HFM1: variants seen among roughly 807,000 people sequenced by gnomAD.
HFM1 encodes helicase for meiosis 1, also known as probable ATP-dependent DNA helicase HFM1.
In HFM1, 169 loss-of-function variants were observed where a neutral mutation model predicts 192.1. The observed-to-expected ratio is 0.88, with a 90% confidence interval of 0.78 to 1.00. The LOEUF (loss-of-function observed/expected upper bound fraction) is 1.00. Among genes scored for constraint, HFM1 ranks in the 50% least tolerant of loss-of-function variants. The probability of loss-of-function intolerance (pLI) is 0.00; values close to 1 mark genes in which losing one functional copy is unlikely to be tolerated. For synonymous variants in HFM1, 525 were observed against 537.8 expected (o/e 0.98, Z 0.33); for missense variants, 1,661 against 1,668.0 (o/e 1.00, Z 0.07).
intron 1 of HFM1, among the ~76,000 whole-genome samples, chr1:91,403,726 C>A (rs1664551859): frequency 6.6e-6 from 1 of 152,040 alleles, no homozygotes; most frequent in Admixed American, 6.5e-5. Context: ...AATACTTAAG[C>A]TATTTTTGAG....
intron 23 of HFM1, among the ~76,000 whole-genome samples, chr1:91,320,939 A>G (rs1274864646): frequency 1.3e-5 from 2 of 152,158 alleles, no homozygotes; most frequent in Non-Finnish European, 2.9e-5. Flanking sequence ...AATTACGTTC[A>G]TGACCAGACC....
intron 13 of HFM1, among the ~76,000 whole-genome samples, chr1:91,362,660 C>T (rs1164602540): frequency 6.6e-6 from 1 of 152,116 alleles, no homozygotes; most frequent in Non-Finnish European, 1.5e-5. Flanking sequence ...ACTAAACTAC[C>T]ATTGACATTA....
intron 30 of HFM1, among the ~76,000 whole-genome samples, chr1:91,295,465 T>C (rs1219356026): frequency 6.6e-6 from 1 of 152,170 alleles, no homozygotes; most frequent in East Asian, 1.9e-4. Flanking sequence ...CATGTGTGCC[T>C]GTATCCTAAT....
chr1:91,389,601 A>T (rs1662679663), intron 4 of HFM1, among the ~76,000 whole-genome samples: 1 of 152,126 alleles, frequency 6.6e-6, no homozygotes, highest in African/African-American at 2.4e-5. Flanking sequence ...GAGGGTCGTC[A>T]TCAAGAACCC....
intron 13 of HFM1, among the ~76,000 whole-genome samples, chr1:91,365,187 A>G (rs1197456726): frequency 2.0e-5 from 3 of 152,184 alleles, no homozygotes; most frequent in Non-Finnish European, 4.4e-5. Context: ...AGTAGTTATC[A>G]GAGGCAGGAA....
At chr1:91,347,531 T>TA in intron 18 of HFM1, 55 bp from the exon 19 acceptor site, 1 of 1,154,904 alleles carries the variant, frequency 8.7e-7, no homozygotes, top group Non-Finnish European at 1.3e-6. Flanking sequence ...AGGCTCAGTT[T>TA]ATACCCCAGT....
chr1:91,401,265 A>G (rs1415740435), intron 1 of HFM1, among the ~76,000 whole-genome samples, 156 bp from the exon 2 acceptor site: 1 of 152,200 alleles, frequency 6.6e-6, no homozygotes, highest in East Asian at 1.9e-4. Context: ...GCACCTCAAT[A>G]TTCACATACA....
At chr1:91,375,129 TA>T (rs1017185696) in intron 13 of HFM1, among the ~76,000 whole-genome samples, 18 of 151,762 alleles carry the variant, frequency 1.2e-4, no homozygotes, top group African/African-American at 2.2e-4. Flanking sequence ...GAAATTAGGT[TA>T]AAAAAAATAG....
intron 13 of HFM1, among the ~76,000 whole-genome samples, chr1:91,364,510 T>C (rs924628345): frequency 2.0e-5 from 3 of 150,462 alleles, no homozygotes; most frequent in East Asian, 1.9e-4. Flanking sequence ...AGATTGTTCA[T>C]AGTAGTTAAG....
chr1:91,297,980 C>A (rs400069), intron 30 of HFM1, among the ~76,000 whole-genome samples: 152,113 of 152,296 alleles, frequency 1, 75,966 homozygotes, highest in Non-Finnish European at 1. Flanking sequence ...TCAGATGATC[C>A]AACTACTCCA....
intron 13 of HFM1, among the ~76,000 whole-genome samples, chr1:91,359,289 G>A (rs922331299): frequency 6.6e-6 from 1 of 152,060 alleles, no homozygotes; most frequent in African/African-American, 2.4e-5. Flanking sequence ...ACAGAAGGTG[G>A]GTAATAACAA....
At chr1:91,265,701 C>G (rs1302880628) in intron 36 of HFM1, among the ~76,000 whole-genome samples, 1 of 152,190 alleles carries the variant, frequency 6.6e-6, no homozygotes. Context: ...TGCCTCTGTT[C>G]TAGTTGTCAA....
Position 91,391,884 on chromosome 1 carries a change from T to C in HFM1, c.494+2209A>G, listed in dbSNP as rs377075712. On this transcript the variant is annotated intron_variant, in intron 4 of 38. Transcript: ENST00000370425. ...TAATATCCAGAATCTACAAAGAACTTAAACAAATTTACAAGAAAAAAATCA... is the reference window on the plus strand; with the variant it reads ...TAATATCCAGAATCTACAAAGAACTCAAACAAATTTACAAGAAAAAAATCA... Among the ~76,000 whole-genome samples, 6 of 149,712 alleles carry C rather than the reference T, an allele frequency of 4.0e-5. No individual in the cohort carries two copies. In the South Asian group the frequency reaches 1.2e-3, roughly 29 times the overall value.
chr1:91,385,664 G>T lies in HFM1; in HGVS notation c.665C>A (p.Ala222Glu). 1 of 1,611,178 alleles carries T rather than the reference G, an allele frequency of 6.2e-7. No individual in the cohort carries two copies. The highest frequency in any genetic ancestry group is 8.5e-7 in the Non-Finnish European group (1 of 1,177,416). Reference sequence around the variant, plus strand: ...TTCAGAAGCAGAAAAAGCATTATTTGCTGTAAACACATTTGCAGAATACTG... The same window carrying T: ...TTCAGAAGCAGAAAAAGCATTATTTTCTGTAAACACATTTGCAGAATACTG... Reference protein sequence around the residue: ...KFQYSANVFTANNAFSASEIG... With the variant: ...KFQYSANVFTENNAFSASEIG... The change falls in exon 5 of 39, where the codon GCA becomes GAA. Residue 222 changes from alanine to glutamate, a missense_variant. Transcript: ENST00000370425.
Position 91,294,198 on chromosome 1 carries a change from ATAAT to A in HFM1, c.3392-17140_3392-17137del, listed in dbSNP as rs575135795. ...CATGTACCCTAAAACTTAAAGTATA[ATAAT>A]AATAAATAAAATAAAAAATAATCAA... On this transcript the variant is annotated intron_variant, in intron 30 of 38. Transcript: ENST00000370425. Among the ~76,000 whole-genome samples the A allele has an allele frequency of 2.3e-3, 354 of 152,066 alleles. 1 individual carries two copies. The highest frequency in any genetic ancestry group is 8.0e-3 in the African/African-American group (333 of 41,484).
chr1:91,283,018 G>A (rs1240845767), intron 30 of HFM1, among the ~76,000 whole-genome samples: 1 of 152,128 alleles, frequency 6.6e-6, no homozygotes, highest in African/African-American at 2.4e-5. Flanking sequence ...AATGAGGACT[G>A]TATGCAAGTT....
In HFM1 at chr1:91,352,640, T is replaced by C. The variant is rs1433442609; in HGVS notation, c.1843A>G (p.Thr615Ala). The change falls in exon 16 of 39, where the codon ACT becomes GCT. Residue 615 changes from threonine to alanine, a missense_variant. Coordinates refer to ENST00000370425, the MANE Select transcript of HFM1 (RefSeq NM_001017975.6). ...GGCAAATTTACTCCCATAGCTAAAGTACTGGTAGTAACTGCATCAGATTAA... is the reference window on the plus strand; with the variant it reads ...GGCAAATTTACTCCCATAGCTAAAGCACTGGTAGTAACTGCATCAGATTAA... ...GDLPVLFTTSTLAMGVNLPAH... is the reference protein window; with the variant it reads ...GDLPVLFTTSALAMGVNLPAH... The C allele has an allele frequency of 6.2e-7, 1 of 1,605,592 alleles. No individual in the cohort carries two copies. Among genetic ancestry groups the C allele is most frequent in the Non-Finnish European group, 8.5e-7 (1 of 1,176,186 alleles).
chr1:91,375,103 T>C (rs542715858), intron 13 of HFM1, among the ~76,000 whole-genome samples: 21 of 152,178 alleles, frequency 1.4e-4, no homozygotes, highest in African/African-American at 4.6e-4. Flanking sequence ...TGAAAGACTA[T>C]AAAAGATGCT....
Position 91,266,117 on chromosome 1 carries a change from G to T in HFM1, c.3884-10C>A, listed in dbSNP as rs1665746721. ...AAAGTGTTTCCAAATCCTATGTGAAGAGATAACATTTTGAAACAAAATGCC... is the reference window on the plus strand; with the variant it reads ...AAAGTGTTTCCAAATCCTATGTGAATAGATAACATTTTGAAACAAAATGCC... On this transcript the variant is annotated splice_polypyrimidine_tract_variant and intron_variant, in intron 35 of 38. Transcript: ENST00000370425. 1.9e-6 allele frequency: 3 copies of T among 1,585,386 alleles called. No individual in the cohort carries two copies. In the African/African-American group the frequency reaches 4.2e-5, roughly 22 times the overall value.
Sources: gnomAD v4.1 joint callset for allele counts (sites outside exome capture counted in the v4.1 genomes callset) on GRCh38, gnomAD v4.1.1 for gene constraint, MANE v1.5 for transcripts, NCBI Gene and HGNC (gene_info 2026-07-23, HGNC 2026-07-21) for gene names.